GRM8: variants seen among roughly 807,000 people sequenced by gnomAD.
GRM8 encodes metabotropic glutamate receptor 8.
In GRM8, 47 loss-of-function variants were observed where a neutral mutation model predicts 87.2. That is an observed-to-expected ratio of 0.54 (90% CI 0.43 to 0.69). The LOEUF is 0.69. Among genes scored for constraint, GRM8 ranks in the 30% least tolerant of loss-of-function variants. GRM8 has a pLI of 0.00. For missense variants in GRM8, 1,019 were observed against 1,139.2 expected (o/e 0.89, Z 1.52); for synonymous variants, 396 against 404.5 (o/e 0.98, Z 0.25).
intron 2 of GRM8, among the ~76,000 whole-genome samples, chr7:127,171,294 A>T (rs1377707099): frequency 6.6e-6 from 1 of 152,204 alleles, no homozygotes; most frequent in African/African-American, 2.4e-5. Context: ...AAATACTGTG[A>T]TCATTATTGA....
At position 126,841,833 on chromosome 7, in the gene GRM8, C is replaced by T. The variant is rs187569769; in HGVS notation, c.1156+60709G>A. On this transcript the variant is annotated intron_variant, in intron 6 of 10. Transcript: ENST00000339582. ...ATTTTTAGTGGAGATGGGGTTTCAC[C>T]GTGATAGCCAGGATGGTCTCGATCT... Among the ~76,000 whole-genome samples the T allele has an allele frequency of 5.9e-3, 891 of 151,880 alleles. 6 individuals are homozygous for T. Among genetic ancestry groups the T allele is most frequent in the Non-Finnish European group, 9.6e-3 (653 of 67,942 alleles).
chr7:126,645,229 C>T (rs891737031), intron 7 of GRM8, among the ~76,000 whole-genome samples: 2 of 152,238 alleles, frequency 1.3e-5, no homozygotes, highest in African/African-American at 4.8e-5. Flanking sequence ...TAATCTCTTA[C>T]TGCTCTGGAG....
rs908833943 is a variant in GRM8 at position 127,154,100 on chromosome 7, C to T, written c.511-47388G>A. Among the ~76,000 whole-genome samples the T allele has an allele frequency of 2.6e-5, 4 of 152,220 alleles. No homozygotes were observed. In the South Asian group the frequency reaches 8.3e-4, roughly 32 times the overall value. On this transcript the variant is annotated intron_variant, in intron 2 of 10. Coordinates refer to ENST00000339582, the MANE Select transcript of GRM8 (RefSeq NM_000845.3). Reference sequence around the variant, plus strand: ...ATCAGTGTAGCACCATATATCACTGCCTCTGTAAGAAAACTGTGCTTGTCA... The same window carrying T: ...ATCAGTGTAGCACCATATATCACTGTCTCTGTAAGAAAACTGTGCTTGTCA...
chr7:127,247,889 T>C (rs777730756), intron 1 of GRM8, among the ~76,000 whole-genome samples: 2 of 152,168 alleles, frequency 1.3e-5, no homozygotes, highest in Non-Finnish European at 2.9e-5. Context: ...GTTGAGTGAC[T>C]TTTTTTCATC....
At chr7:126,896,327 C>T (rs1228659069) in intron 6 of GRM8, among the ~76,000 whole-genome samples, 3 of 152,062 alleles carry the variant, frequency 2.0e-5, no homozygotes, top group Non-Finnish European at 2.9e-5. Flanking sequence ...TGGATGGCTA[C>T]CTGGTAGTGC....
intron 2 of GRM8, among the ~76,000 whole-genome samples, chr7:127,181,415 T>C (rs186828387): frequency 6.6e-6 from 1 of 152,034 alleles, no homozygotes; most frequent in Non-Finnish European, 1.5e-5. Context: ...AAAATGACCA[T>C]ACTGCCAAAA....
At chr7:126,675,366 G>T (rs1224985055) in intron 7 of GRM8, among the ~76,000 whole-genome samples, 4 of 152,148 alleles carry the variant, frequency 2.6e-5, no homozygotes, top group Non-Finnish European at 5.9e-5. Context: ...GATTGAGAAG[G>T]AGGAATCCTC....
At chr7:127,163,934 G>A (rs1376360335) in intron 2 of GRM8, among the ~76,000 whole-genome samples, 1 of 152,112 alleles carries the variant, frequency 6.6e-6, no homozygotes, top group Non-Finnish European at 1.5e-5. Flanking sequence ...ATATCAGCAA[G>A]ATGAATGATA....
chr7:127,047,685 G>T (rs1333756677), intron 3 of GRM8, among the ~76,000 whole-genome samples: 1 of 152,008 alleles, frequency 6.6e-6, no homozygotes, highest in Non-Finnish European at 1.5e-5. Context: ...GAAACACTTA[G>T]CCAGGCATGG....
At chr7:126,898,526 T>C (rs2131163429) in intron 6 of GRM8, among the ~76,000 whole-genome samples, 1 of 152,314 alleles carries the variant, frequency 6.6e-6, no homozygotes, top group African/African-American at 2.4e-5. Context: ...AGGGGTGCAT[T>C]TGCCCTAGCA....
At chr7:127,033,269 C>A (rs1365944156) in intron 3 of GRM8, among the ~76,000 whole-genome samples, 6 of 152,026 alleles carry the variant, frequency 3.9e-5, no homozygotes, top group African/African-American at 1.4e-4. Flanking sequence ...TTCATTTCTC[C>A]AGCCTAAAAA....
chr7:126,941,894 C>T (rs540611005), intron 3 of GRM8, among the ~76,000 whole-genome samples: 4 of 152,250 alleles, frequency 2.6e-5, no homozygotes. Context: ...ATATTTTCTT[C>T]CAAATATATA....
intron 6 of GRM8, among the ~76,000 whole-genome samples, chr7:126,797,424 A>T (rs1201547828): frequency 6.6e-6 from 1 of 152,104 alleles, no homozygotes; most frequent in East Asian, 1.9e-4. Flanking sequence ...GTTATTTTTT[A>T]AAATATTAAA....
chr7:126,731,913 T>C (rs985459307), intron 7 of GRM8, among the ~76,000 whole-genome samples: 2 of 152,044 alleles, frequency 1.3e-5, no homozygotes, highest in African/African-American at 4.8e-5. Context: ...TTAAATGAGA[T>C]GTTCTTAAAG....
intron 9 of GRM8, among the ~76,000 whole-genome samples, chr7:126,459,146 T>C (rs543401989): frequency 2.6e-5 from 4 of 151,192 alleles, no homozygotes; most frequent in African/African-American, 9.7e-5. Context: ...AAATGAAAAA[T>C]AAGATGTAAG....
At chr7:127,248,839 T>C (rs1359972790) in intron 1 of GRM8, among the ~76,000 whole-genome samples, 4 of 152,112 alleles carry the variant, frequency 2.6e-5, no homozygotes, top group African/African-American at 9.7e-5. Flanking sequence ...AAGTCAACCC[T>C]GGCAAGCCTA....
At chr7:127,004,199 G>C (rs1814031019) in intron 3 of GRM8, among the ~76,000 whole-genome samples, 1 of 151,560 alleles carries the variant, frequency 6.6e-6, no homozygotes, top group South Asian at 2.1e-4. Context: ...AATAAAATGA[G>C]TTATATGGAT....
At chr7:126,955,415 T>C (rs1184631124) in intron 3 of GRM8, among the ~76,000 whole-genome samples, 4 of 152,124 alleles carry the variant, frequency 2.6e-5, no homozygotes, top group Non-Finnish European at 4.4e-5. Flanking sequence ...TCAATAAAAA[T>C]TGTTTGAATC....
intron 3 of GRM8, chr7:126,981,312 C>T (rs541190979): frequency 2.0e-5 from 3 of 152,200 alleles, no homozygotes; most frequent in Non-Finnish European, 4.4e-5. Context: ...TCTCCTATGC[C>T]ATTCTGGGGC....
Sources: gnomAD v4.1 joint callset for allele counts (sites outside exome capture counted in the v4.1 genomes callset) on GRCh38, gnomAD v4.1.1 for gene constraint, MANE v1.5 for transcripts, NCBI Gene and HGNC (gene_info 2026-07-23, HGNC 2026-07-21) for gene names.